MYO1D: variants seen among roughly 807,000 people sequenced by gnomAD.
The protein encoded by MYO1D is myosin ID, also known as unconventional myosin-Id.
In MYO1D, 83 loss-of-function variants were observed where a neutral mutation model predicts 122.0. That is an observed-to-expected ratio of 0.68 (90% CI 0.57 to 0.82). The LOEUF (loss-of-function observed/expected upper bound fraction) is 0.82. MYO1D is among the 40% of genes least tolerant of loss of function. The pLI is 0.00. For missense variants in MYO1D, 1,157 were observed against 1,269.5 expected, an observed-to-expected ratio of 0.91 and a Z score of 1.35; for synonymous variants, 464 against 446.9, an observed-to-expected ratio of 1.04 and a Z score of -0.48.
At position 32,712,079 on chromosome 17, in the gene MYO1D, G is replaced by T; in HGVS notation, c.2030C>A (p.Thr677Asn). The T allele has an allele frequency of 1.2e-6, 2 of 1,614,076 alleles. No individual in the cohort carries two copies. Among genetic ancestry groups the T allele is most frequent in the Non-Finnish European group, 1.7e-6 (2 of 1,180,006 alleles). The part of the protein sequence containing the change: ...GFQDDVAYGK[T>N]KIFIRTPRTL... ...TCGGGGTGTTCGAATGAAAATTTTGGTCTTCCCATAAGCTACATCATCCTG... is the reference window on the plus strand; with the variant it reads ...TCGGGGTGTTCGAATGAAAATTTTGTTCTTCCCATAAGCTACATCATCCTG... The change falls in exon 16 of 22, where the codon ACC becomes AAC. Residue 677 changes from threonine (T) to asparagine (N), a missense_variant. Transcript: ENST00000318217.
chr17:32,598,005 T>C (rs1006184405), intron 21 of MYO1D, among the ~76,000 whole-genome samples: 2 of 152,192 alleles, frequency 1.3e-5, no homozygotes, highest in Non-Finnish European at 2.9e-5. Context: ...ATAGATAGAA[T>C]TCTCTTGTTC....
chr17:32,665,735 C>T (rs916663995), intron 16 of MYO1D, among the ~76,000 whole-genome samples: 7 of 152,184 alleles, frequency 4.6e-5, no homozygotes, highest in Admixed American at 3.3e-4. Context: ...GGATCGTTGG[C>T]CCTCCACTCT....
Position 32,670,507 on chromosome 17 carries a change from T to C in MYO1D, c.2122-11169A>G, listed in dbSNP as rs140161691. ...GAGACAGAGAAATCCTAGGCAGACA[T>C]AGGTGGGTCCCTGGTGCGACCTTAC... On this transcript the variant is annotated intron_variant, in intron 16 of 21. Coordinates refer to ENST00000318217, the MANE Select transcript of MYO1D (RefSeq NM_015194.3). Among the ~76,000 whole-genome samples the C allele has an allele frequency of 2.1e-3, 327 of 152,122 alleles. 3 individuals carry two copies. Among genetic ancestry groups the C allele is most frequent in the African/African-American group, 7.4e-3 (309 of 41,488 alleles).
At chr17:32,628,011 T>A (rs1343362889) in intron 20 of MYO1D, among the ~76,000 whole-genome samples, 1 of 152,142 alleles carries the variant, frequency 6.6e-6, no homozygotes, top group Non-Finnish European at 1.5e-5. Context: ...TTTACAGTGA[T>A]CTCTAGTATG....
rs151054614 is a variant in MYO1D at position 32,788,183 on chromosome 17, C to A, written c.96-7399G>T. ...TTGTACTGGTGAGTTTACATTCTCACTAGCAGTGTAAAAGTGTTCCCTTTT... is the reference window on the plus strand; with the variant it reads ...TTGTACTGGTGAGTTTACATTCTCAATAGCAGTGTAAAAGTGTTCCCTTTT... On this transcript the variant is annotated intron_variant, in intron 1 of 21. Coordinates refer to ENST00000318217, the MANE Select transcript of MYO1D (RefSeq NM_015194.3). Among the ~76,000 whole-genome samples the A allele has an allele frequency of 2.0e-5, 3 of 152,310 alleles. No individual in the cohort carries two copies. In the East Asian group the frequency reaches 5.8e-4, roughly 29 times the overall value.
Position 32,492,772 on chromosome 17 carries a change from C to T in MYO1D, c.*1987G>A, listed in dbSNP as rs976603176. On this transcript the variant is annotated 3_prime_UTR_variant, in exon 22 of 22. Coordinates refer to ENST00000318217, the MANE Select transcript of MYO1D (RefSeq NM_015194.3). The stretch of plus-strand genomic sequence containing the variant: ...TACAATCATGCCCGCTTCCTTTCCC[C>T]TCAGCGCCCGGGACACGTGACCGAG... 2.0e-5 allele frequency: 3 copies of T among 152,570 alleles called. No individual in the cohort carries two copies. The highest frequency in any genetic ancestry group is 4.4e-5 in the Non-Finnish European group (3 of 68,032). 9.5% of individuals were successfully genotyped at this position (152,570 alleles called of 1,614,324 possible).
chr17:32,731,817 G>A (rs1276838798), intron 14 of MYO1D, among the ~76,000 whole-genome samples: 1 of 152,206 alleles, frequency 6.6e-6, no homozygotes, highest in Admixed American at 6.5e-5. Context: ...TTGGGGGCTG[G>A]GAGCAGGCAG....
chr17:32,765,195 T>A, intron 7 of MYO1D, 114 bp from the exon 8 acceptor site: 1 of 777,708 alleles, frequency 1.3e-6, no homozygotes, highest in Non-Finnish European at 2.1e-6. Flanking sequence ...CTAAATACAT[T>A]ATACATCTCA....
chr17:32,857,225 T>A (rs2151085214), intron 1 of MYO1D, among the ~76,000 whole-genome samples: 1 of 152,314 alleles, frequency 6.6e-6, no homozygotes, highest in South Asian at 2.1e-4. Flanking sequence ...TTCCTTCCCA[T>A]TTTCCATTTT....
At chr17:32,506,439 C>T (rs1398837519) in intron 21 of MYO1D, among the ~76,000 whole-genome samples, 1 of 151,468 alleles carries the variant, frequency 6.6e-6, no homozygotes, top group Non-Finnish European at 1.5e-5. Flanking sequence ...AAGCACAGTG[C>T]AAAAAAATTA....
At chr17:32,838,750 T>G (rs2090850964) in intron 1 of MYO1D, among the ~76,000 whole-genome samples, 1 of 151,996 alleles carries the variant, frequency 6.6e-6, no homozygotes. Context: ...TAAAAATAAT[T>G]TACTAGAGGA....
At chr17:32,525,458 T>C (rs1412101750) in intron 21 of MYO1D, among the ~76,000 whole-genome samples, 1 of 152,222 alleles carries the variant, frequency 6.6e-6, no homozygotes, top group African/African-American at 2.4e-5. Flanking sequence ...TTGGGTTTTT[T>C]TTTTTTCAGG....
chr17:32,581,834 C>T (rs1051887794), intron 21 of MYO1D, among the ~76,000 whole-genome samples: 9 of 151,962 alleles, frequency 5.9e-5, no homozygotes, highest in South Asian at 2.1e-4. Flanking sequence ...AGAGCGATCT[C>T]GGCTCACCGC....
At chr17:32,585,653 G>A (rs1287266198) in intron 21 of MYO1D, among the ~76,000 whole-genome samples, 2 of 151,394 alleles carry the variant, frequency 1.3e-5, no homozygotes, top group Non-Finnish European at 2.9e-5. Context: ...TCTTTTGAAC[G>A]TGGGAGGCGG....
chr17:32,643,923 A>C (rs1181231707), intron 19 of MYO1D, among the ~76,000 whole-genome samples: 4 of 151,956 alleles, frequency 2.6e-5, no homozygotes, highest in Admixed American at 2.6e-4. Flanking sequence ...CATCTCCTTC[A>C]GTTCTGCTCT....
chr17:32,721,069 G>C lies in MYO1D; in HGVS notation c.1867C>G (p.Arg623Gly). Residue 623 changes from arginine to glycine, a missense_variant, in exon 15 of 22, where the codon CGG becomes GGG. Physicochemically the swap from Arg to Gly is moderately radical, Grantham distance 125. Transcript: ENST00000318217. Reference protein sequence around the residue: ...LGLLENVRVRRAGFAFRQTYE... With the variant: ...LGLLENVRVRGAGFAFRQTYE... ...GTCTGGCGGAAGGCAAATCCTGCCC[G>C]ACGCACTCTCACATTTTCCAGTAGT... is the stretch of plus-strand genomic sequence containing the variant. 1 of 1,614,050 alleles carries C rather than the reference G, an allele frequency of 6.2e-7. No individual in the cohort carries two copies. Among genetic ancestry groups the C allele is most frequent in the Non-Finnish European group, 8.5e-7 (1 of 1,179,996 alleles).
At position 32,526,605 on chromosome 17, in the gene MYO1D, C is replaced by CTT. The variant is rs35471319; in HGVS notation, c.2865-31692_2865-31691dup. The stretch of plus-strand genomic sequence containing the variant: ...TGGTACTTCCTCTTCATAAAGCCTT[C>CTT]TTTTTTTTTTTTTTGTGGGCTGGTA... On this transcript the variant is annotated intron_variant, in intron 21 of 21. Transcript: ENST00000318217. Among the ~76,000 whole-genome samples, 21 of 145,644 alleles carry CTT rather than the reference C, an allele frequency of 1.4e-4. No individual in the cohort carries two copies. The East Asian group carries it at 2.0e-3, about 14-fold the overall frequency.
intron 13 of MYO1D, among the ~76,000 whole-genome samples, chr17:32,738,691 T>C (rs1359423668): frequency 6.6e-6 from 1 of 152,170 alleles, no homozygotes; most frequent in Non-Finnish European, 1.5e-5. Flanking sequence ...GCTCTTACAA[T>C]ACATATATAA....
chr17:32,635,620 G>T (rs138505976), intron 20 of MYO1D, among the ~76,000 whole-genome samples: 4,278 of 152,216 alleles, frequency 0.028, 187 homozygotes, highest in African/African-American at 0.095. Flanking sequence ...TTGAACCTAG[G>T]AGGCGGAGGT....
Sources: gnomAD v4.1 joint callset for allele counts (sites outside exome capture counted in the v4.1 genomes callset) on GRCh38, gnomAD v4.1.1 for gene constraint, MANE v1.5 for transcripts, NCBI Gene and HGNC (gene_info 2026-07-23, HGNC 2026-07-21) for gene names.